FRMD4A: variants seen among roughly 807,000 people sequenced by gnomAD.
The protein encoded by FRMD4A is FERM domain-containing protein 4A.
Under a neutral mutation model 129.1 loss-of-function variants are expected in FRMD4A, and 29 were observed. That is an observed-to-expected ratio of 0.22 (90% CI 0.17 to 0.31). The LOEUF (loss-of-function observed/expected upper bound fraction) is 0.31, where lower values mean the gene tolerates loss of function less well. Ranked by LOEUF, FRMD4A falls within the 10% of genes least tolerant of loss-of-function variation. FRMD4A has a pLI of 1.00. For synonymous variants in FRMD4A, 634 were observed against 571.6 expected, an observed-to-expected ratio of 1.11 and a Z score of -1.56; for missense variants, 1,272 against 1,375.8, an observed-to-expected ratio of 0.92 and a Z score of 1.19.
intron 2 of FRMD4A, among the ~76,000 whole-genome samples, chr10:14,043,114 T>A (rs527979145): frequency 1.5e-4 from 22 of 151,368 alleles, no homozygotes; most frequent in South Asian, 2.1e-4. Context: ...AGAGAAAAAA[T>A]TTTTTAAAGC....
intron 15 of FRMD4A, among the ~76,000 whole-genome samples, chr10:13,680,518 A>G (rs1433795807): frequency 6.6e-6 from 1 of 152,090 alleles, no homozygotes; most frequent in Admixed American, 6.6e-5. Context: ...AGGAGGTCAG[A>G]TTTTGAGACC....
At chr10:13,703,272 T>C (rs2087050521) in intron 13 of FRMD4A, among the ~76,000 whole-genome samples, 1 of 152,186 alleles carries the variant, frequency 6.6e-6, no homozygotes, top group Non-Finnish European at 1.5e-5. Context: ...CTTCTCCTGC[T>C]CTATCATTAC....
intron 2 of FRMD4A, among the ~76,000 whole-genome samples, chr10:14,132,111 C>A (rs1173804309): frequency 1.3e-5 from 2 of 152,126 alleles, no homozygotes; most frequent in South Asian, 2.1e-4. Flanking sequence ...CATGGTGAAA[C>A]CCCATCTCCA....
intron 3 of FRMD4A, among the ~76,000 whole-genome samples, chr10:13,837,832 G>A (rs200022077): frequency 6.6e-6 from 1 of 152,136 alleles, no homozygotes; most frequent in South Asian, 2.1e-4. Context: ...TGTTGGGTTC[G>A]ATATTTTCTA....
chr10:13,727,886 A>C (rs997634687), intron 12 of FRMD4A: 4 of 152,264 alleles, frequency 2.6e-5, no homozygotes, highest in Non-Finnish European at 5.9e-5. Context: ...GGATGGGAGA[A>C]TTTAGTGCTC....
chr10:14,197,747 A>T (rs971570031), intron 2 of FRMD4A, among the ~76,000 whole-genome samples: 1 of 152,240 alleles, frequency 6.6e-6, no homozygotes, highest in African/African-American at 2.4e-5. Flanking sequence ...GCAAGCATAC[A>T]TGTAAACTTT....
intron 2 of FRMD4A, among the ~76,000 whole-genome samples, chr10:14,040,160 T>C (rs921520005): frequency 6.6e-6 from 1 of 152,162 alleles, no homozygotes; most frequent in African/African-American, 2.4e-5. Flanking sequence ...GCCAGTCGAA[T>C]GACAGAGCCT....
chr10:14,079,843 CAT>C (rs1392882702), intron 2 of FRMD4A, among the ~76,000 whole-genome samples: 1 of 152,116 alleles, frequency 6.6e-6, no homozygotes, highest in African/African-American at 2.4e-5. Flanking sequence ...GGCAGATAGA[CAT>C]ATTGAATGTG....
At chr10:13,686,659 C>G (rs2085114910) in intron 15 of FRMD4A, among the ~76,000 whole-genome samples, 1 of 152,312 alleles carries the variant, frequency 6.6e-6, no homozygotes, top group Admixed American at 6.5e-5. Flanking sequence ...GATCCATCAC[C>G]AGATTCTTCG....
At chr10:13,693,685 CTTTTTT>C in intron 15 of FRMD4A, 5 of 603,084 alleles carry the variant, frequency 8.3e-6, no homozygotes, top group African/African-American at 2.1e-5. Context: ...TCTACTGATG[CTTTTTT>C]TTTTTTTTTT....
At chr10:14,245,228 G>C (rs1382863154) in intron 2 of FRMD4A, among the ~76,000 whole-genome samples, 1 of 152,178 alleles carries the variant, frequency 6.6e-6, no homozygotes, top group East Asian at 1.9e-4. Context: ...GAGGACATGG[G>C]TCACAGGTCA....
chr10:14,322,264 C>G (rs1329198592), intron 2 of FRMD4A, among the ~76,000 whole-genome samples: 2 of 152,052 alleles, frequency 1.3e-5, no homozygotes, highest in African/African-American at 4.8e-5. Context: ...CCATGACTAG[C>G]TGAACCAGGT....
intron 2 of FRMD4A, among the ~76,000 whole-genome samples, chr10:14,134,833 T>G (rs1417589940): frequency 2.0e-5 from 3 of 152,132 alleles, no homozygotes; most frequent in African/African-American, 2.4e-5. Context: ...GAAACACCAT[T>G]GTCTGGCTGT....
chr10:13,827,440 A>G (rs1184655171), intron 3 of FRMD4A, among the ~76,000 whole-genome samples: 1 of 152,238 alleles, frequency 6.6e-6, no homozygotes, highest in Non-Finnish European at 1.5e-5. Context: ...AGACATTTAC[A>G]TAAGCGAATT....
At chr10:14,132,434 G>A (rs898569346) in intron 2 of FRMD4A, among the ~76,000 whole-genome samples, 9 of 152,216 alleles carry the variant, frequency 5.9e-5, no homozygotes, top group African/African-American at 1.7e-4. Context: ...GGAGAGGGGA[G>A]GCTGCCTGGG....
At chr10:14,124,880 C>G (rs1344055232) in intron 2 of FRMD4A, among the ~76,000 whole-genome samples, 1 of 152,176 alleles carries the variant, frequency 6.6e-6, no homozygotes, top group Admixed American at 6.5e-5. Flanking sequence ...TTTTTCACCT[C>G]TAGCTGAGCC....
chr10:14,163,309 C>T (rs556628583), intron 2 of FRMD4A, among the ~76,000 whole-genome samples: 1 of 152,338 alleles, frequency 6.6e-6, no homozygotes, highest in South Asian at 2.1e-4. Context: ...TTGTGTAAGG[C>T]ATTTTTATCC....
chr10:13,902,303 A>G (rs549273221), intron 2 of FRMD4A, among the ~76,000 whole-genome samples: 83 of 152,204 alleles, frequency 5.5e-4, no homozygotes, highest in African/African-American at 1.1e-3. Flanking sequence ...GGCATGAGCC[A>G]GTGTGCCAGC....
intron 2 of FRMD4A, among the ~76,000 whole-genome samples, chr10:14,079,796 T>C (rs1801032030): frequency 6.6e-6 from 1 of 152,200 alleles, no homozygotes; most frequent in Non-Finnish European, 1.5e-5. Context: ...CTGCTGATTA[T>C]GCTGAGGAAT....
Sources: allele counts gnomAD v4.1 joint callset (sites outside exome capture counted in the v4.1 genomes callset), GRCh38; gene constraint gnomAD v4.1.1; transcripts MANE v1.5; gene names NCBI Gene and HGNC (gene_info 2026-07-23, HGNC 2026-07-21).